Variants in CADM2 observed in about 807,000 individuals in gnomAD.
The protein encoded by CADM2 is cell adhesion molecule 2, also known as immunoglobulin superfamily member 4D.
CADM2 carries 12 observed loss-of-function variants against 49.8 expected under a neutral mutation model. The ratio of observed to expected loss-of-function variants is 0.24; its 90% CI spans 0.15 to 0.39. The LOEUF (loss-of-function observed/expected upper bound fraction) is 0.39. Among genes scored for constraint, CADM2 ranks in the 10% least tolerant of loss-of-function variants. The probability of loss-of-function intolerance (pLI) is 1.00; values close to 1 mark genes in which losing one functional copy is unlikely to be tolerated. For missense variants in CADM2, 378 were observed against 492.3 expected (o/e 0.77, Z 2.20); for synonymous variants, 214 against 175.4 (o/e 1.22, Z -1.74).
At chr3:85,533,834 G>T (rs1349329845) in intron 1 of CADM2, among the ~76,000 whole-genome samples, 1 of 152,154 alleles carries the variant, frequency 6.6e-6, no homozygotes, top group East Asian at 1.9e-4. Flanking sequence ...CCGGAAGTTA[G>T]TTTAAATTCT....
intron 1 of CADM2, among the ~76,000 whole-genome samples, chr3:85,289,203 T>G (rs2043712271): frequency 6.6e-6 from 1 of 152,176 alleles, no homozygotes; most frequent in Non-Finnish European, 1.5e-5. Context: ...AGACATCAAT[T>G]ATATCCTGAC....
intron 1 of CADM2, among the ~76,000 whole-genome samples, chr3:85,688,639 C>T (rs899552994): frequency 6.7e-6 from 1 of 149,696 alleles, no homozygotes; most frequent in Non-Finnish European, 1.5e-5. Flanking sequence ...ATGATCTTAT[C>T]TCACTGCAAC....
At position 85,548,952 on chromosome 3, in the gene CADM2, A is replaced by G. The variant is rs181400960; in HGVS notation, c.62-177570A>G. Among the ~76,000 whole-genome samples the G allele has an allele frequency of 5.1e-4, 78 of 152,308 alleles. 1 individual carries two copies. Among genetic ancestry groups the G allele is most frequent in the African/African-American group, 1.7e-3 (71 of 41,562 alleles). ...CCTAAGTTAGGAAATAAAAGTAGTG[A>G]AAGATACTGAATGCTTAAGTTTGCA... On this transcript the variant is annotated intron_variant, in intron 1 of 9. Transcript: ENST00000383699.
intron 3 of CADM2, among the ~76,000 whole-genome samples, chr3:85,855,322 G>A (rs955469446): frequency 6.6e-6 from 1 of 151,936 alleles, no homozygotes; most frequent in Non-Finnish European, 1.5e-5. Flanking sequence ...AGGGTACCAT[G>A]CACTGCCCTT....
At chr3:84,980,085 A>G (rs1473780457) in intron 1 of CADM2, among the ~76,000 whole-genome samples, 1 of 152,192 alleles carries the variant, frequency 6.6e-6, no homozygotes, top group Non-Finnish European at 1.5e-5. Context: ...CTTGATCATA[A>G]TCATACAAAG....
At position 85,278,708 on chromosome 3, in the gene CADM2, G is replaced by T. The variant is rs1221750383; in HGVS notation, c.61+319040G>T. Among the ~76,000 whole-genome samples the T allele has an allele frequency of 6.7e-5, 9 of 133,400 alleles. No individual in the cohort carries two copies. The East Asian group carries it at 2.0e-3, about 29-fold the overall frequency. 87.5% of individuals were successfully genotyped at this position (133,400 alleles called of 152,430 possible). A position where few individuals can be genotyped will look rare whatever the true frequency, so the allele number is the denominator to read the frequency against. ...AGACGGTGTATGAAATGTTCTCACTGCTGATGTTCTTGTGTGTGTGTGTGT... is the reference window on the plus strand; with the variant it reads ...AGACGGTGTATGAAATGTTCTCACTTCTGATGTTCTTGTGTGTGTGTGTGT... On this transcript the variant is annotated intron_variant, in intron 1 of 9. Transcript: ENST00000383699.
At chr3:85,470,074 G>A (rs1045149048) in intron 1 of CADM2, among the ~76,000 whole-genome samples, 2 of 152,094 alleles carry the variant, frequency 1.3e-5, no homozygotes, top group Non-Finnish European at 2.9e-5. Flanking sequence ...ATTTAATAAT[G>A]TCTATTTATA....
chr3:85,112,480 C>T (rs1191493557), intron 1 of CADM2, among the ~76,000 whole-genome samples: 1 of 151,678 alleles, frequency 6.6e-6, no homozygotes, highest in African/African-American at 2.4e-5. Context: ...CTTTATTCCT[C>T]TGTACTTCAG....
At chr3:85,405,439 C>T (rs1037155004) in intron 1 of CADM2, among the ~76,000 whole-genome samples, 3 of 152,148 alleles carry the variant, frequency 2.0e-5, no homozygotes, top group African/African-American at 4.8e-5. Flanking sequence ...CCATTCATGG[C>T]GCCCGTCAGT....
At chr3:85,690,916 G>C (rs1183725932) in intron 1 of CADM2, among the ~76,000 whole-genome samples, 1 of 152,118 alleles carries the variant, frequency 6.6e-6, no homozygotes, top group African/African-American at 2.4e-5. Flanking sequence ...ATTTCTTTGT[G>C]ATGAGAACAT....
At chr3:85,007,312 T>G (rs1169903458) in intron 1 of CADM2, among the ~76,000 whole-genome samples, 1 of 152,002 alleles carries the variant, frequency 6.6e-6, no homozygotes, top group Non-Finnish European at 1.5e-5. Flanking sequence ...CAGGGAAAAA[T>G]AGTGAATATT....
chr3:86,055,481 G>GTTTTTTTTTTTTTTTTTTTTTTTTT (rs1440467932), intron 8 of CADM2, among the ~76,000 whole-genome samples: 8 of 121,042 alleles, frequency 6.6e-5, no homozygotes, highest in Admixed American at 9.2e-5. Flanking sequence ...TTTTTTTTTG[G>GTTTTTTTTTTTTTTTTTTTTTTTTT]TTTTAGAGGG....
intron 6 of CADM2, among the ~76,000 whole-genome samples, chr3:85,917,159 C>G (rs1011833912): frequency 2.0e-5 from 3 of 152,040 alleles, no homozygotes; most frequent in Admixed American, 1.3e-4. Flanking sequence ...TGTGCAGAAG[C>G]TCTTTAGTTT....
At chr3:85,361,054 A>C (rs72905427) in intron 1 of CADM2, among the ~76,000 whole-genome samples, 2 of 152,132 alleles carry the variant, frequency 1.3e-5, no homozygotes, top group African/African-American at 4.8e-5. Flanking sequence ...CATCAGAAAA[A>C]ACGTGTGTCA....
intron 1 of CADM2, among the ~76,000 whole-genome samples, chr3:85,320,802 AT>A (rs2044578624): frequency 6.6e-6 from 1 of 151,880 alleles, no homozygotes; most frequent in South Asian, 2.1e-4. Flanking sequence ...TTAATTCATA[AT>A]ACTTTCCAGG....
intron 1 of CADM2, among the ~76,000 whole-genome samples, chr3:85,553,966 A>G (rs889096162): frequency 1.3e-5 from 2 of 152,216 alleles, no homozygotes; most frequent in Non-Finnish European, 2.9e-5. Flanking sequence ...ATGTTGGAAT[A>G]AAAATCCAAT....
chr3:86,015,141 C>T lies in CADM2; in HGVS notation c.971-50464C>T, dbSNP rs755776505. 7 of 502,816 alleles carry T rather than the reference C, an allele frequency of 1.4e-5. No homozygotes were observed. The South Asian group carries it at 1.5e-4, about 11-fold the overall frequency. 31.1% of individuals were successfully genotyped at this position (502,816 alleles called of 1,614,324 possible). ...TACCTAGGAGAGTTTTAAAAATAGG[C>T]CTTCTTATATTTGATATTTTAAAGA... On this transcript the variant is annotated intron_variant, in intron 8 of 9. Transcript: ENST00000383699.
rs114989434 is a variant in CADM2 at position 85,540,568 on chromosome 3, G to A, written c.62-185954G>A. ...ATTTACGGCACGGTTTTCCTGAACTGAGACTTGGTTTCAGAGTCCTCCTCT... is the reference window on the plus strand; with the variant it reads ...ATTTACGGCACGGTTTTCCTGAACTAAGACTTGGTTTCAGAGTCCTCCTCT... On this transcript the variant is annotated intron_variant, in intron 1 of 9. Coordinates refer to ENST00000383699, the MANE Select transcript of CADM2 (RefSeq NM_001167675.2). Among the ~76,000 whole-genome samples, 1,143 of 152,232 alleles carry A rather than the reference G, an allele frequency of 7.5e-3. 20 individuals carry two copies. Among genetic ancestry groups the A allele is most frequent in the African/African-American group, 0.027 (1,104 of 41,548 alleles).
At chr3:85,004,755 C>T (rs568518537) in intron 1 of CADM2, among the ~76,000 whole-genome samples, 1 of 152,124 alleles carries the variant, frequency 6.6e-6, no homozygotes, top group Non-Finnish European at 1.5e-5. Flanking sequence ...TCATGAATAT[C>T]ATTTTAAGCC....
Sources: gnomAD v4.1 joint callset for allele counts (sites outside exome capture counted in the v4.1 genomes callset) on GRCh38, gnomAD v4.1.1 for gene constraint, MANE v1.5 for transcripts, NCBI Gene and HGNC (gene_info 2026-07-23, HGNC 2026-07-21) for gene names.